The following DPP6 variants were observed in gnomAD, a reference collection of about 807,000 sequenced individuals.
The protein encoded by DPP6 is A-type potassium channel modulatory protein DPP6.
A neutral mutation model predicts 122.6 loss-of-function variants in DPP6; 69 were observed. The observed-to-expected ratio is 0.56, with a 90% confidence interval of 0.46 to 0.69. The LOEUF (loss-of-function observed/expected upper bound fraction) is 0.69. DPP6 is among the 30% of genes least tolerant of loss of function. DPP6 has a pLI of 0.00. For missense variants in DPP6, 928 were observed against 1,116.9 expected, an observed-to-expected ratio of 0.83 and a Z score of 2.41; for synonymous variants, 418 against 433.1, an observed-to-expected ratio of 0.97 and a Z score of 0.43.
chr7:154,031,058 T>C (rs575208762), intron 1 of DPP6, among the ~76,000 whole-genome samples: 250 of 152,108 alleles, frequency 1.6e-3, no homozygotes, highest in African/African-American at 5.6e-3. Context: ...GGTTGTCTTA[T>C]CCTCCCTGGC....
At chr7:154,098,865 A>G (rs1805530585) in intron 1 of DPP6, among the ~76,000 whole-genome samples, 1 of 152,240 alleles carries the variant, frequency 6.6e-6, no homozygotes, top group Admixed American at 6.5e-5. Context: ...GTCCACTTCT[A>G]AATGTCTGTA....
At chr7:154,887,537 A>G (rs1379268609) in intron 22 of DPP6, 139 bp from the exon 23 acceptor site, 6 of 834,236 alleles carry the variant, frequency 7.2e-6, no homozygotes, top group South Asian at 1.4e-5. Flanking sequence ...AAAACCAACA[A>G]TCTGCCACAC....
chr7:154,505,528 G>A (rs192765209), intron 3 of DPP6, among the ~76,000 whole-genome samples: 8 of 152,286 alleles, frequency 5.3e-5, no homozygotes, highest in Non-Finnish European at 1.0e-4. Flanking sequence ...TGACAGCTTC[G>A]CAGAAGTTCC....
At chr7:154,384,003 C>T (rs959530881) in intron 1 of DPP6, among the ~76,000 whole-genome samples, 8 of 152,178 alleles carry the variant, frequency 5.3e-5, no homozygotes, top group Admixed American at 2.0e-4. Context: ...CCCAGCATCA[C>T]GGTGATGGCC....
chr7:154,434,186 T>C (rs545358978), intron 1 of DPP6, among the ~76,000 whole-genome samples: 7 of 152,352 alleles, frequency 4.6e-5, no homozygotes, highest in African/African-American at 1.7e-4. Flanking sequence ...TCCTGGTATG[T>C]GCGACTTCAT....
At position 154,444,233 on chromosome 7, in the gene DPP6, G is replaced by A. The variant is rs919303354; in HGVS notation, c.244-1981G>A. ...AGCACTTTGGGAGGCCGAGGCGGGC[G>A]GATCGCAAGGTCAGGAGATTAAGAC... On this transcript the variant is annotated intron_variant, in intron 1 of 25. Coordinates refer to ENST00000377770, the MANE Select transcript of DPP6 (RefSeq NM_130797.4). Among the ~76,000 whole-genome samples, 6 of 152,014 alleles carry A rather than the reference G, an allele frequency of 3.9e-5. 1 individual carries two copies. In the South Asian group the frequency reaches 8.3e-4, roughly 21 times the overall value.
chr7:154,615,548 C>A (rs1460656360), intron 5 of DPP6, among the ~76,000 whole-genome samples: 1 of 152,194 alleles, frequency 6.6e-6, no homozygotes. Context: ...AGTAAGTATA[C>A]GATTCAGTGG....
chr7:154,341,269 G>T (rs1385050948), intron 1 of DPP6, among the ~76,000 whole-genome samples: 1 of 152,140 alleles, frequency 6.6e-6, no homozygotes, highest in Non-Finnish European at 1.5e-5. Flanking sequence ...TTGTGTGGGG[G>T]TATGTCAGCG....
At chr7:154,183,244 T>C (rs1005888347) in intron 1 of DPP6, among the ~76,000 whole-genome samples, 7 of 152,198 alleles carry the variant, frequency 4.6e-5, no homozygotes, top group African/African-American at 1.7e-4. Flanking sequence ...AGTGCATGAC[T>C]TTCACTGCCC....
At position 154,868,109 on chromosome 7, in the gene DPP6, T is replaced by G; in HGVS notation, c.1813+16T>G. ...GATGATTACAGTAAGTACTACGTTT[T>G]TCCCCTCTAAAAGAAAAAGAAAAAG... On this transcript the variant is annotated intron_variant, in intron 18 of 25. Transcript: ENST00000377770. 6.3e-7 allele frequency: 1 copy of G among 1,587,002 alleles called. No homozygotes were observed. Among genetic ancestry groups the G allele is most frequent in the East Asian group, 2.3e-5 (1 of 44,046 alleles).
At chr7:154,204,096 T>A (rs1450264171) in intron 1 of DPP6, among the ~76,000 whole-genome samples, 1 of 152,240 alleles carries the variant, frequency 6.6e-6, no homozygotes, top group African/African-American at 2.4e-5. Context: ...TGCATTTACC[T>A]GCCTGGTCAT....
intron 1 of DPP6, among the ~76,000 whole-genome samples, chr7:154,235,303 G>A (rs536970853): frequency 6.6e-6 from 1 of 152,258 alleles, no homozygotes; most frequent in East Asian, 1.9e-4. Context: ...CTTCTTCCCT[G>A]AGCGTCATGT....
chr7:154,636,902 T>C (rs1835759460), intron 5 of DPP6, among the ~76,000 whole-genome samples: 1 of 152,220 alleles, frequency 6.6e-6, no homozygotes, highest in African/African-American at 2.4e-5. Flanking sequence ...TTTTAAATGT[T>C]GGTCACTGAA....
At position 154,446,334 on chromosome 7, in the gene DPP6, G is replaced by A. The variant is rs753176315; in HGVS notation, c.358+6G>A. 24 of 1,594,580 alleles carry A rather than the reference G, an allele frequency of 1.5e-5. No homozygotes were observed. Among genetic ancestry groups the A allele is most frequent in the Non-Finnish European group, 1.5e-5 (18 of 1,171,264 alleles). ...GGTCATACTTCTGACACCAGGTACT[G>A]TATTCATTCTTGGAAAAGCAAGTCG... On this transcript the variant is annotated splice_donor_region_variant and intron_variant, in intron 2 of 25. Transcript: ENST00000377770.
chr7:154,583,579 G>T (rs1269345190), intron 5 of DPP6, among the ~76,000 whole-genome samples: 1 of 152,144 alleles, frequency 6.6e-6, no homozygotes, highest in Non-Finnish European at 1.5e-5. Context: ...CCCAAAACGC[G>T]ATACACTGAG....
chr7:154,757,260 C>G (rs368181986), intron 8 of DPP6, among the ~76,000 whole-genome samples: 17 of 152,168 alleles, frequency 1.1e-4, no homozygotes, highest in Non-Finnish European at 2.2e-4. Flanking sequence ...AGCCCCTTCT[C>G]CATCCCTCAC....
rs868128496 is a variant in DPP6 at position 154,827,719 on chromosome 7, G to A, written c.1666+20607G>A. ...GGAGGGGGTGTCTCCCAGAAAGGACGGCTGGCGGGGGGGGGGTGGTGTCGG... is the reference window on the plus strand; with the variant it reads ...GGAGGGGGTGTCTCCCAGAAAGGACAGCTGGCGGGGGGGGGGTGGTGTCGG... On this transcript the variant is annotated intron_variant, in intron 16 of 25. Transcript: ENST00000377770. Among the ~76,000 whole-genome samples the A allele has an allele frequency of 6.0e-4, 29 of 48,152 alleles. 1 individual carries two copies. The highest frequency in any genetic ancestry group is 7.2e-3 in the Middle Eastern group (1 of 138). 31.6% of individuals were successfully genotyped at this position (48,152 alleles called of 152,430 possible).
chr7:154,684,858 T>C (rs749689746), intron 7 of DPP6, among the ~76,000 whole-genome samples: 2 of 152,256 alleles, frequency 1.3e-5, no homozygotes, highest in African/African-American at 2.4e-5. Flanking sequence ...TGCTGTCTAC[T>C]TCCTGTAAAT....
intron 1 of DPP6, among the ~76,000 whole-genome samples, chr7:153,973,145 G>GA (rs199560898): frequency 2.4e-4 from 36 of 151,200 alleles, no homozygotes; most frequent in South Asian, 8.4e-4. Context: ...AGTGTGGAAA[G>GA]AAAAAAAAAC....
Sources: allele counts gnomAD v4.1 joint callset (sites outside exome capture counted in the v4.1 genomes callset), GRCh38; gene constraint gnomAD v4.1.1; transcripts MANE v1.5; gene names NCBI Gene and HGNC (gene_info 2026-07-23, HGNC 2026-07-21).